The following RHCG variants were observed in gnomAD, a reference collection of about 807,000 sequenced individuals.
RHCG encodes the protein ammonium transporter Rh type C.
In RHCG, 39 loss-of-function variants were observed where a neutral mutation model predicts 55.3. The observed-to-expected ratio is 0.70, with a 90% CI of 0.55 to 0.92. The LOEUF (loss-of-function observed/expected upper bound fraction) is 0.92. RHCG is among the 40% of genes least tolerant of loss of function. RHCG has a pLI of 0.00. For synonymous variants in RHCG, 250 were observed against 246.8 expected, an observed-to-expected ratio of 1.01 and a Z score of -0.12; for missense variants, 635 against 627.9, an observed-to-expected ratio of 1.01 and a Z score of -0.12.
At chr15:89,493,803 C>A (rs1961518216) in intron 1 of RHCG, among the ~76,000 whole-genome samples, 1 of 152,164 alleles carries the variant, frequency 6.6e-6, no homozygotes, top group Non-Finnish European at 1.5e-5. Context: ...CCTGGTTTCC[C>A]AGCTGAGTGA....
At chr15:89,473,004 AG>A in intron 9 of RHCG, 141 bp from the exon 10 acceptor site, 1 of 996,422 alleles carries the variant, frequency 1.0e-6, no homozygotes, top group African/African-American at 1.7e-5. Context: ...CACGGAGAGC[AG>A]GGTGGTCCTT....
In RHCG at chr15:89,477,015, T is replaced by A. The variant is rs201507986; in HGVS notation, c.1237+67A>T. Reference sequence around the variant, plus strand: ...TCAGGCTGACCTGTGCCGCATGCCCTTTGCTTCTCCACCCAGGGAGCCCCA... The same window carrying A: ...TCAGGCTGACCTGTGCCGCATGCCCATTGCTTCTCCACCCAGGGAGCCCCA... On this transcript the variant is annotated intron_variant, in intron 8 of 10. Transcript: ENST00000268122. The surrounding 1 kb of genome is among the most constrained non-coding windows in gnomAD (Gnocchi z 4.5). 265 of 1,607,952 alleles carry A rather than the reference T, an allele frequency of 1.6e-4. 1 individual carries two copies. The East Asian group carries it at 3.7e-3, about 22-fold the overall frequency.
intron 1 of RHCG, among the ~76,000 whole-genome samples, chr15:89,490,961 G>A (rs1261403549): frequency 6.6e-6 from 1 of 152,180 alleles, no homozygotes; most frequent in Non-Finnish European, 1.5e-5. Context: ...GAAGCTAGCA[G>A]AGAAGACGAA....
intron 3 of RHCG, among the ~76,000 whole-genome samples, chr15:89,481,886 G>A (rs1324267809): frequency 6.6e-6 from 1 of 151,890 alleles, no homozygotes; most frequent in East Asian, 1.9e-4. Context: ...ACCACAACCT[G>A]TGCCTCCTGG....
chr15:89,476,830 T>G lies in RHCG; in HGVS notation c.1238-2A>C. The G allele has an allele frequency of 6.2e-7, 1 of 1,613,374 alleles. No individual in the cohort carries two copies. Among genetic ancestry groups the G allele is most frequent in the Non-Finnish European group, 8.5e-7 (1 of 1,179,300 alleles). ...AGAATGGTAATCTCAAAATGAGCCCTACAGAAAGTTGGAGATTACAGGATG... is the reference window on the plus strand; with the variant it reads ...AGAATGGTAATCTCAAAATGAGCCCGACAGAAAGTTGGAGATTACAGGATG... On this transcript the variant is annotated splice_acceptor_variant, in intron 8 of 10. Coordinates refer to ENST00000268122, the MANE Select transcript of RHCG (RefSeq NM_016321.3). LOFTEE classifies it high-confidence loss of function.
chr15:89,486,886 A>C lies in RHCG; in HGVS notation c.284T>G (p.Leu95Trp), dbSNP rs762245525. Residue 95 changes from leucine (L) to tryptophan (W), a missense_variant, in exon 2 of 11, where the codon TTG becomes TGG. Leu to Trp is a moderately conservative substitution (Grantham distance 61). Coordinates refer to ENST00000268122, the MANE Select transcript of RHCG (RefSeq NM_016321.3). ...GFSAVGFNFL[L>W]AAFGIQWALL... ...CGCCCACTGGATGCCGAAGGCTGCC[A>C]ACAGGAAGTTGAAGCCCACGGCGCT... The C allele has an allele frequency of 3.7e-6, 6 of 1,613,026 alleles. No individual in the cohort carries two copies. The South Asian group carries it at 6.6e-5, about 18-fold the overall frequency.
intron 1 of RHCG, among the ~76,000 whole-genome samples, chr15:89,494,504 G>A (rs764949147): frequency 3.3e-5 from 5 of 152,090 alleles, no homozygotes; most frequent in Non-Finnish European, 7.3e-5. Flanking sequence ...ATTAACCTGG[G>A]GTGTGAAAGG....
rs770508726 is a variant in RHCG at position 89,477,877 on chromosome 15, A to G, written c.935T>C (p.Val312Ala). 1 of 1,614,082 alleles carries G rather than the reference A, an allele frequency of 6.2e-7. No individual in the cohort carries two copies. Among genetic ancestry groups the G allele is most frequent in the Non-Finnish European group, 8.5e-7 (1 of 1,180,008 alleles). ...MPYGALIIGF[V>A]CGIISTLGFV... is the part of the protein sequence containing the mutation. ...ACCCAGGGTGGAGATGATGCCGCAG[A>G]CGAAGCCGATGATGAGGGCACCGTA... The change falls in exon 6 of 11, where the codon GTC becomes GCC. Residue 312 changes from valine to alanine, a missense_variant. Coordinates refer to ENST00000268122, the MANE Select transcript of RHCG (RefSeq NM_016321.3). The surrounding 1 kb of genome is among the most constrained non-coding windows in gnomAD (Gnocchi z 4.5).
intron 1 of RHCG, among the ~76,000 whole-genome samples, chr15:89,487,230 T>TG (rs1167010960): frequency 2.0e-5 from 3 of 152,064 alleles, no homozygotes; most frequent in African/African-American, 4.8e-5. Context: ...AGGGAGGCGC[T>TG]GGGGGGGACC....
chr15:89,484,965 C>A (rs1596406017), intron 2 of RHCG, among the ~76,000 whole-genome samples: 1 of 152,026 alleles, frequency 6.6e-6, no homozygotes, highest in African/African-American at 2.4e-5. Context: ...CAGGGACAGG[C>A]CAGAAGCCAG....
At chr15:89,480,197 C>T (rs758954906) in intron 4 of RHCG, 64 bp downstream of exon 4, 1 of 1,601,808 alleles carries the variant, frequency 6.2e-7, no homozygotes, top group Non-Finnish European at 8.5e-7. Flanking sequence ...ATCATGGCTG[C>T]CTTCACCCAT....
chr15:89,491,516 C>T (rs1452569603), intron 1 of RHCG, among the ~76,000 whole-genome samples: 2 of 152,192 alleles, frequency 1.3e-5, no homozygotes, highest in African/African-American at 4.8e-5. Context: ...ACTGTAATCC[C>T]AGCACTTTGG....
At position 89,479,469 on chromosome 15, in the gene RHCG, C is replaced by A. The variant is rs755829577; in HGVS notation, c.690G>T (p.Met230Ile). ...FAMIGTLFLW[M>I]YWPSFNSAIS... ...TGGCTGAGTTGAAGCTGGGCCAGTA[C>A]ATCCACAGGAAGAGGGTGCCTGGTC... The change falls in exon 5 of 11, where the codon ATG becomes ATT. Residue 230 changes from methionine (M) to isoleucine (I), a missense_variant. Met to Ile is a conservative substitution (Grantham distance 10). Coordinates refer to ENST00000268122, the MANE Select transcript of RHCG (RefSeq NM_016321.3). The A allele has an allele frequency of 6.2e-7, 1 of 1,613,054 alleles. No homozygotes were observed. The highest frequency in any genetic ancestry group is 8.5e-7 in the Non-Finnish European group (1 of 1,179,550).
chr15:89,475,080 TCCTGCCTG>T (rs1402096356), intron 9 of RHCG, among the ~76,000 whole-genome samples: 1 of 100,604 alleles, frequency 9.9e-6, no homozygotes, highest in Non-Finnish European at 2.3e-5. Flanking sequence ...CTTCCTGCCT[TCCTGCCTG>T]CCTGCCTTCA....
At chr15:89,486,599 A>AGAGTGTGAGTGTGTGTGT in intron 2 of RHCG, 200 bp downstream of exon 2, 78 of 264,442 alleles carry the variant, frequency 2.9e-4, no homozygotes, top group East Asian at 1.1e-3. Flanking sequence ...AGAGAGAGAG[A>AGAGTGTGAGTGTGTGTGT]GTGTGTGTGT....
Position 89,477,206 on chromosome 15 carries a change from C to T in RHCG, c.1113G>A (p.Gly371=), listed in dbSNP as rs776222908. Residue 371 remains glycine (G), a splice_region_variant and synonymous_variant, in exon 8 of 11, where the codon GGG becomes GGA. Coordinates refer to ENST00000268122, the MANE Select transcript of RHCG (RefSeq NM_016321.3). This position sits in a 1 kb window ranked among gnomAD's most constrained non-coding sequence, Gnocchi z 4.5. Reference sequence around the variant, plus strand: ...CTTGAAAGTCAAAGGAATGGACAAGCCTGGGGTGGAGACAGGGGGCAGGTC... The same window carrying T: ...CTTGAAAGTCAAAGGAATGGACAAGTCTGGGGTGGAGACAGGGGGCAGGTC... ...SASLEVYGKE[G]LVHSFDFQGF... is the part of the protein sequence containing the mutation. 29 of 1,613,848 alleles carry T rather than the reference C, an allele frequency of 1.8e-5. No individual in the cohort carries two copies. The highest frequency in any genetic ancestry group is 2.4e-5 in the Non-Finnish European group (28 of 1,180,006).
rs947849173 is a variant in RHCG, at chr15:89,478,052, CT to C, written c.838-79del. ...GGGCCTGGAGGAGCTCACTTGCTGG[CT>C]GTGCAAGGGTGCAGCCTGGCTCCTG... On this transcript the variant is annotated intron_variant, in intron 5 of 10. Coordinates refer to ENST00000268122, the MANE Select transcript of RHCG (RefSeq NM_016321.3). 7 of 1,527,040 alleles carry C rather than the reference CT, an allele frequency of 4.6e-6. No homozygotes were observed. The African/African-American group carries it at 8.2e-5, about 18-fold the overall frequency. The allele number at this position is 1,527,040 out of a possible 1,614,324, so 94.6% of individuals were successfully genotyped here.
At chr15:89,482,279 A>T (rs1169110373) in intron 3 of RHCG, among the ~76,000 whole-genome samples, 1 of 152,192 alleles carries the variant, frequency 6.6e-6, no homozygotes, top group Non-Finnish European at 1.5e-5. Flanking sequence ...GCTGCTGAAG[A>T]TGACTTTCCT....
intron 3 of RHCG, 75 bp downstream of exon 3, chr15:89,482,992 G>A (rs1961294354): frequency 7.2e-7 from 1 of 1,396,160 alleles, no homozygotes; most frequent in Admixed American, 2.0e-5. Context: ...TGTCTCCCCA[G>A]CTGTCTATTT....
Sources: allele counts gnomAD v4.1 joint callset (sites outside exome capture counted in the v4.1 genomes callset), GRCh38; gene constraint gnomAD v4.1.1; non-coding constraint Gnocchi (gnomAD v3.1); transcripts MANE v1.5; gene names NCBI Gene and HGNC (gene_info 2026-07-23, HGNC 2026-07-21).